Variants in MLEC observed in about 807,000 individuals in gnomAD.
The protein encoded by MLEC is oligosaccharyltransferase complex subunit (non-catalytic).
Under a neutral mutation model 28.7 loss-of-function variants are expected in MLEC, and 7 were observed. The ratio of observed to expected loss-of-function variants is 0.24; its 90% CI spans 0.14 to 0.46. MLEC has a LOEUF of 0.46. Ranked by LOEUF, MLEC falls within the 20% of genes least tolerant of loss-of-function variation. MLEC has a pLI of 0.99. For synonymous variants in MLEC, 142 were observed against 164.4 expected (o/e 0.86, Z 1.04); for missense variants, 237 against 391.1 (o/e 0.61, Z 3.32).
intron 1 of MLEC, among the ~76,000 whole-genome samples, chr12:120,689,035 G>A (rs2137412572): frequency 6.6e-6 from 1 of 152,318 alleles, no homozygotes; most frequent in East Asian, 1.9e-4. Context: ...CGGTGGTGAG[G>A]GTGCTGAGCG....
Position 120,696,171 on chromosome 12 carries a change from A to G in MLEC, c.650-145A>G, listed in dbSNP as rs1882223091. ...GCAGCACTCTGCTGTTCTGTAGACC[A>G]GAGGCTATTTCTGCTACTTCTGGTC... On this transcript the variant is annotated intron_variant, in intron 4 of 4. Transcript: ENST00000228506. This position sits in a 1 kb window ranked among gnomAD's most constrained non-coding sequence, Gnocchi z 5.4. The G allele has an allele frequency of 2.0e-6, 2 of 1,002,714 alleles. No homozygotes were observed. Among genetic ancestry groups the G allele is most frequent in the African/African-American group, 1.6e-5 (1 of 61,942 alleles). The allele number at this position is 1,002,714 out of a possible 1,614,324, so 62.1% of individuals were successfully genotyped here.
chr12:120,690,482 G>C, intron 1 of MLEC, among the ~76,000 whole-genome samples: 1 of 152,118 alleles, frequency 6.6e-6, no homozygotes, highest in East Asian at 1.9e-4. Context: ...CTTGCTTTAC[G>C]TCTCTGAGCC....
chr12:120,690,170 A>T (rs1566012435), intron 1 of MLEC, among the ~76,000 whole-genome samples: 1 of 150,062 alleles, frequency 6.7e-6, no homozygotes, highest in African/African-American at 2.5e-5. Context: ...TTTATTGAAA[A>T]TTTTTAATTT....
At chr12:120,689,518 G>C (rs377168581) in intron 1 of MLEC, among the ~76,000 whole-genome samples, 4 of 152,294 alleles carry the variant, frequency 2.6e-5, no homozygotes, top group East Asian at 1.9e-4. Flanking sequence ...CTGCAGTTTG[G>C]ACCAGCTTGT....
chr12:120,694,674 G>T lies in MLEC; in HGVS notation c.415-150G>T. The T allele has an allele frequency of 4.0e-6, 3 of 751,152 alleles. No individual in the cohort carries two copies. Among genetic ancestry groups the T allele is most frequent in the Non-Finnish European group, 6.5e-6 (3 of 460,588 alleles). The allele number at this position is 751,152 out of a possible 1,614,324, so 46.5% of individuals were successfully genotyped here. A position where few individuals can be genotyped will look rare whatever the true frequency, so the allele number is the denominator to read the frequency against. On this transcript the variant is annotated intron_variant, in intron 2 of 4. Transcript: ENST00000228506. This position sits in a 1 kb window ranked among gnomAD's most constrained non-coding sequence, Gnocchi z 4.5. ...GGAACACGGCTTTGATTTGACCCGG[G>T]TTAAGGATGCTAACCACCCTGGATA...
intron 1 of MLEC, among the ~76,000 whole-genome samples, chr12:120,692,599 T>C (rs1882081334): frequency 2.0e-5 from 3 of 151,702 alleles, no homozygotes. Flanking sequence ...CTGGGTCTTT[T>C]TGTTAATCTT....
chr12:120,694,076 G>C lies in MLEC; in HGVS notation c.236-15G>C. On this transcript the variant is annotated splice_polypyrimidine_tract_variant and intron_variant, in intron 1 of 4. Coordinates refer to ENST00000228506, the MANE Select transcript of MLEC (RefSeq NM_014730.4). This position sits in a 1 kb window ranked among gnomAD's most constrained non-coding sequence, Gnocchi z 4.5. ...CTTGCCTCTGATGTGCTTTCTCTTT[G>C]TCTTTTGTCCTCAGCCTCAGACTAT... 1 of 1,608,580 alleles carries C rather than the reference G, an allele frequency of 6.2e-7. No homozygotes were observed. The highest frequency in any genetic ancestry group is 8.5e-7 in the Non-Finnish European group (1 of 1,176,756).
In MLEC at chr12:120,696,708, G is replaced by A. The variant is rs1882255526; in HGVS notation, c.*163G>A. The stretch of plus-strand genomic sequence containing the variant: ...AAAGAGGCAGAGCGAGTAGAGAGCA[G>A]CCCTCATTCACCACCTGGTCCCAGA... On this transcript the variant is annotated 3_prime_UTR_variant, in exon 5 of 5. Transcript: ENST00000228506. The surrounding 1 kb of genome is among the most constrained non-coding windows in gnomAD (Gnocchi z 5.4). 8 of 1,049,112 alleles carry A rather than the reference G, an allele frequency of 7.6e-6. No individual in the cohort carries two copies. Among genetic ancestry groups the A allele is most frequent in the South Asian group, 5.0e-5 (3 of 60,602 alleles). 65.0% of individuals were successfully genotyped at this position (1,049,112 alleles called of 1,614,324 possible).
chr12:120,687,244 CA>C lies in MLEC; in HGVS notation c.-52del. ...TTTTTCTGAGTCCGGGGTGGCCTGGCAGCCGGCCGAGGACGAGGGTCGGCGG... is the reference window on the plus strand; with the variant it reads ...TTTTTCTGAGTCCGGGGTGGCCTGGCGCCGGCCGAGGACGAGGGTCGGCGG... On this transcript the variant is annotated 5_prime_UTR_variant, in exon 1 of 5. Transcript: ENST00000228506. The surrounding 1 kb of genome is among the most constrained non-coding windows in gnomAD (Gnocchi z 8.1). The C allele has an allele frequency of 7.4e-7, 1 of 1,349,428 alleles. No individual in the cohort carries two copies. The highest frequency in any genetic ancestry group is 9.5e-7 in the Non-Finnish European group (1 of 1,057,078). 83.6% of individuals were successfully genotyped at this position (1,349,428 alleles called of 1,614,324 possible).
At chr12:120,690,266 C>T (rs962103916) in intron 1 of MLEC, among the ~76,000 whole-genome samples, 4 of 152,244 alleles carry the variant, frequency 2.6e-5, no homozygotes, top group African/African-American at 9.6e-5. Context: ...CCACCTTGGC[C>T]TCCCAAACTG....
rs148801995 is a variant in MLEC at position 120,694,496 on chromosome 12, C to T, written c.414+227C>T. Among the ~76,000 whole-genome samples the T allele has an allele frequency of 1.8e-3, 275 of 152,326 alleles. 2 individuals are homozygous for T. The highest frequency in any genetic ancestry group is 6.5e-3 in the African/African-American group (269 of 41,570). On this transcript the variant is annotated intron_variant, in intron 2 of 4. Coordinates refer to ENST00000228506, the MANE Select transcript of MLEC (RefSeq NM_014730.4). This position sits in a 1 kb window ranked among gnomAD's most constrained non-coding sequence, Gnocchi z 4.5. ...AACTAACTGATCCTGTTAAGGCCCT[C>T]CTGGCTACTTCCCTCCATGGTTTGC... is the stretch of plus-strand genomic sequence containing the variant.
chr12:120,699,340 C>T lies in MLEC; in HGVS notation c.*2795C>T, dbSNP rs1882358972. ...CTCCTCTACTGGATCTACACTCTGT[C>T]CCAGGTTTTTAGATCCCACTGAGCC... is the stretch of plus-strand genomic sequence containing the variant. On this transcript the variant is annotated 3_prime_UTR_variant, in exon 5 of 5. Transcript: ENST00000228506. 1 of 152,538 alleles carries T rather than the reference C, an allele frequency of 6.6e-6. No homozygotes were observed. Among genetic ancestry groups the T allele is most frequent in the African/African-American group, 2.4e-5 (1 of 41,394 alleles). The allele number at this position is 152,538 out of a possible 1,614,324, so 9.4% of individuals were successfully genotyped here.
Position 120,694,346 on chromosome 12 carries a change from AG to A in MLEC, c.414+78del. On this transcript the variant is annotated intron_variant, in intron 2 of 4. Coordinates refer to ENST00000228506, the MANE Select transcript of MLEC (RefSeq NM_014730.4). The surrounding 1 kb of genome is among the most constrained non-coding windows in gnomAD (Gnocchi z 4.5). ...ACAATCCACGATTATGGGGCTAGAG[AG>A]TGTGAGAGTCTCTCCAGAAAGGCAG... The A allele has an allele frequency of 6.9e-7, 1 of 1,440,326 alleles. No homozygotes were observed. Among genetic ancestry groups the A allele is most frequent in the Non-Finnish European group, 9.5e-7 (1 of 1,049,834 alleles). 89.2% of individuals were successfully genotyped at this position (1,440,326 alleles called of 1,614,324 possible).
At position 120,696,662 on chromosome 12, in the gene MLEC, C is replaced by G; in HGVS notation, c.*117C>G. The G allele has an allele frequency of 6.9e-7, 1 of 1,448,056 alleles. No homozygotes were observed. The highest frequency in any genetic ancestry group is 9.3e-7 in the Non-Finnish European group (1 of 1,071,068). The allele number at this position is 1,448,056 out of a possible 1,614,324, so 89.7% of individuals were successfully genotyped here. On this transcript the variant is annotated 3_prime_UTR_variant, in exon 5 of 5. Coordinates refer to ENST00000228506, the MANE Select transcript of MLEC (RefSeq NM_014730.4). The surrounding 1 kb of genome is among the most constrained non-coding windows in gnomAD (Gnocchi z 5.4). The stretch of plus-strand genomic sequence containing the variant: ...GAACAAAAACAAAGAGAAAAAAACA[C>G]ACATCAATTAAAGGAGACAAAAAGA...
In MLEC at chr12:120,694,072, C is replaced by G. The variant is rs776220399; in HGVS notation, c.236-19C>G. The G allele has an allele frequency of 6.2e-7, 1 of 1,607,398 alleles. No homozygotes were observed. Among genetic ancestry groups the G allele is most frequent in the Non-Finnish European group, 8.5e-7 (1 of 1,176,060 alleles). On this transcript the variant is annotated intron_variant, in intron 1 of 4. Transcript: ENST00000228506. This position sits in a 1 kb window ranked among gnomAD's most constrained non-coding sequence, Gnocchi z 4.5. The stretch of plus-strand genomic sequence containing the variant: ...GTGTCTTGCCTCTGATGTGCTTTCT[C>G]TTTGTCTTTTGTCCTCAGCCTCAGA...
chr12:120,696,615 T>G lies in MLEC; in HGVS notation c.*70T>G. Reference sequence around the variant, plus strand: ...AACCAGCCATATTGGTTTTGGTTTCTGTATTTTTCACAATGATTAATGAAC... The same window carrying G: ...AACCAGCCATATTGGTTTTGGTTTCGGTATTTTTCACAATGATTAATGAAC... On this transcript the variant is annotated 3_prime_UTR_variant, in exon 5 of 5. Coordinates refer to ENST00000228506, the MANE Select transcript of MLEC (RefSeq NM_014730.4). The surrounding 1 kb of genome is among the most constrained non-coding windows in gnomAD (Gnocchi z 5.4). 1 of 1,567,244 alleles carries G rather than the reference T, an allele frequency of 6.4e-7. No individual in the cohort carries two copies. The highest frequency in any genetic ancestry group is 8.6e-7 in the Non-Finnish European group (1 of 1,158,606).
intron 1 of MLEC, among the ~76,000 whole-genome samples, chr12:120,693,756 C>G (rs992337527): frequency 6.6e-6 from 1 of 152,222 alleles, no homozygotes; most frequent in Admixed American, 6.5e-5. Context: ...AGCTGCAACA[C>G]AGCACTTTCT....
intron 1 of MLEC, among the ~76,000 whole-genome samples, chr12:120,691,381 A>G (rs1488477700): frequency 1.3e-5 from 2 of 152,224 alleles, no homozygotes; most frequent in Non-Finnish European, 2.9e-5. Context: ...TAGGTGAGAA[A>G]ACAGACCTAG....
chr12:120,687,333 G>T lies in MLEC; in HGVS notation c.37G>T (p.Ala13Ser). The change falls in exon 1 of 5, where the codon GCG becomes TCG. Residue 13 changes from alanine to serine, a missense_variant. Coordinates refer to ENST00000228506, the MANE Select transcript of MLEC (RefSeq NM_014730.4). The surrounding 1 kb of genome is among the most constrained non-coding windows in gnomAD (Gnocchi z 8.1). Reference sequence around the variant, plus strand: ...CTGGGCGGTTGAGGGAACCGCTGTGGCGCTCCTGCGACTGCTGCTGCTGCT... The same window carrying T: ...CTGGGCGGTTGAGGGAACCGCTGTGTCGCTCCTGCGACTGCTGCTGCTGCT... The part of the protein sequence containing the change: ...GAWAVEGTAV[A>S]LLRLLLLLLP... The T allele has an allele frequency of 7.2e-7, 1 of 1,396,972 alleles. No homozygotes were observed. The highest frequency in any genetic ancestry group is 1.7e-5 in the South Asian group (1 of 59,260). 86.5% of individuals were successfully genotyped at this position (1,396,972 alleles called of 1,614,324 possible).
Sources: gnomAD v4.1 joint callset for allele counts (sites outside exome capture counted in the v4.1 genomes callset) on GRCh38, gnomAD v4.1.1 for gene constraint, Gnocchi (gnomAD v3.1) non-coding constraint, MANE v1.5 for transcripts, NCBI Gene and HGNC (gene_info 2026-07-23, HGNC 2026-07-21) for gene names.